Variants in PCDHA3 observed in about 807,000 individuals in gnomAD.
PCDHA3 encodes protocadherin alpha 3.
Under a neutral mutation model 62.2 loss-of-function variants are expected in PCDHA3, and 41 were observed. The observed-to-expected ratio is 0.66, with a 90% CI of 0.51 to 0.86. PCDHA3 has a LOEUF of 0.86. Ranked by LOEUF, PCDHA3 falls within the 40% of genes least tolerant of loss-of-function variation. The pLI is 0.00. For missense variants in PCDHA3, 1,304 were observed against 1,241.2 expected (o/e 1.05, Z -0.76); for synonymous variants, 640 against 555.4 (o/e 1.15, Z -2.14).
At chr5:140,840,654 A>T (rs17119241) in intron 1 of PCDHA3, among the ~76,000 whole-genome samples, 31,454 of 151,946 alleles carry the variant, frequency 0.21, 4,191 homozygotes, top group African/African-American at 0.36. Flanking sequence ...AGTGTAAAGA[A>T]TATGCACATA....
At chr5:140,871,412 C>T (rs891491030) in intron 1 of PCDHA3, 2 of 1,613,976 alleles carry the variant, frequency 1.2e-6, no homozygotes, top group Non-Finnish European at 1.7e-6. Flanking sequence ...GACCTCATGG[C>T]CTTCAGCCCC....
At chr5:140,842,234 C>T (rs2150332362) in intron 1 of PCDHA3, 8 of 1,612,528 alleles carry the variant, frequency 5.0e-6, no homozygotes, top group Admixed American at 1.7e-5. Context: ...AATAGTGATT[C>T]GGGGTAATTT....
intron 1 of PCDHA3, among the ~76,000 whole-genome samples, chr5:140,847,109 G>T (rs1267875417): frequency 6.7e-6 from 1 of 149,752 alleles, no homozygotes; most frequent in Admixed American, 6.7e-5. Context: ...CACACAGTCT[G>T]CAGAGAATGA....
At chr5:140,829,688 T>C in intron 1 of PCDHA3, 1 of 1,613,234 alleles carries the variant, frequency 6.2e-7, no homozygotes, top group Non-Finnish European at 8.5e-7. Flanking sequence ...GCTGCTGCAG[T>C]TTCAGGTGAG....
At chr5:140,883,577 G>A (rs782633953) in intron 1 of PCDHA3, 3 of 1,614,052 alleles carry the variant, frequency 1.9e-6, no homozygotes, top group Non-Finnish European at 2.5e-6. Context: ...TTCGCTGTGG[G>A]CCACGGCCAG....
chr5:140,839,667 G>A (rs1375568663), intron 1 of PCDHA3, among the ~76,000 whole-genome samples: 4 of 152,038 alleles, frequency 2.6e-5, no homozygotes, highest in African/African-American at 4.8e-5. Context: ...CTACTATTTA[G>A]AGTCAACTAC....
Position 140,801,840 on chromosome 5 carries a change from A to T in PCDHA3, c.643A>T (p.Ile215Phe). 1 of 1,614,144 alleles carries T rather than the reference A, an allele frequency of 6.2e-7. No homozygotes were observed. Among genetic ancestry groups the T allele is most frequent in the Non-Finnish European group, 8.5e-7 (1 of 1,180,038 alleles). ...TAAGCATTATTTACTAATAACAGCA[A>T]TTGATGGTGGGAAACCAGAGCTCAC... ...TPKHYLLITA[I>F]DGGKPELTGT... Residue 215 changes from isoleucine to phenylalanine, a missense_variant, in exon 1 of 4, where the codon ATT becomes TTT. Ile to Phe is a conservative substitution (Grantham distance 21, BLOSUM62 0). Coordinates refer to ENST00000522353, the MANE Select transcript of PCDHA3 (RefSeq NM_018906.3).
At chr5:140,850,241 GCGGT>G in intron 1 of PCDHA3, 1 of 1,593,924 alleles carries the variant, frequency 6.3e-7, no homozygotes, top group Non-Finnish European at 8.6e-7. Context: ...AGATGGTGCT[GCGGT>G]CGGTGGGCGC....
At chr5:140,828,473 G>A in intron 1 of PCDHA3, 1 of 1,614,248 alleles carries the variant, frequency 6.2e-7, no homozygotes, top group Non-Finnish European at 8.5e-7. Context: ...GGACATTAAC[G>A]ACAACCCGCC....
intron 1 of PCDHA3, chr5:140,877,053 G>A: frequency 1.9e-6 from 3 of 1,612,784 alleles, no homozygotes; most frequent in African/African-American, 1.3e-5. Context: ...ACCACGAGGA[G>A]CTGGAGCTGC....
At chr5:140,913,003 T>C (rs1049022016) in intron 1 of PCDHA3, among the ~76,000 whole-genome samples, 29 of 152,204 alleles carry the variant, frequency 1.9e-4, no homozygotes, top group African/African-American at 7.0e-4. Flanking sequence ...TAGTATTTTG[T>C]TGAGGATTTT....
At chr5:140,855,666 A>G (rs2043560136) in intron 1 of PCDHA3, among the ~76,000 whole-genome samples, 2 of 149,632 alleles carry the variant, frequency 1.3e-5, no homozygotes, top group Admixed American at 6.7e-5. Context: ...AGAAATCACT[A>G]CTCTGAGAGT....
At position 140,856,129 on chromosome 5, in the gene PCDHA3, C is replaced by G. The variant is rs149039484; in HGVS notation, c.2394+52538C>G. ...TCCTCGCAGCCTGGGAGGTGGGGAG[C>G]GGCCAGCTCCACTACTCAGTCTACG... On this transcript the variant is annotated intron_variant, in intron 1 of 3. Transcript: ENST00000522353. The G allele has an allele frequency of 2.3e-5, 36 of 1,597,980 alleles. 3 individuals are homozygous for G. Among genetic ancestry groups the G allele is most frequent in the African/African-American group, 2.7e-5 (2 of 74,256 alleles).
At chr5:140,836,920 G>T in intron 1 of PCDHA3, 1 of 542,350 alleles carries the variant, frequency 1.8e-6, no homozygotes. Context: ...TTTTGTTTTG[G>T]GATGCGTAAT....
intron 1 of PCDHA3, chr5:140,883,164 A>G (rs559249411): frequency 1.2e-6 from 2 of 1,614,060 alleles, no homozygotes; most frequent in African/African-American, 1.3e-5. Context: ...AATCCGAACA[A>G]TGGAGAAATT....
chr5:140,831,748 C>T (rs899662320), intron 1 of PCDHA3, among the ~76,000 whole-genome samples: 2 of 152,008 alleles, frequency 1.3e-5, no homozygotes, highest in Non-Finnish European at 1.5e-5. Context: ...TAAATTTCAT[C>T]GCTACCAATT....
chr5:140,951,659 C>A (rs1293655737), intron 1 of PCDHA3, among the ~76,000 whole-genome samples: 1 of 152,164 alleles, frequency 6.6e-6, no homozygotes, highest in Non-Finnish European at 1.5e-5. Context: ...CCCACCAGGG[C>A]CTGCCTACAA....
chr5:140,973,486 C>G (rs1404281642), intron 1 of PCDHA3, among the ~76,000 whole-genome samples: 1 of 152,162 alleles, frequency 6.6e-6, no homozygotes, highest in African/African-American at 2.4e-5. Context: ...ATATTGGTCA[C>G]AGGACTCTTC....
At chr5:140,858,837 T>A (rs2045615327) in intron 1 of PCDHA3, 1 of 319,506 alleles carries the variant, frequency 3.1e-6, no homozygotes, top group Non-Finnish European at 5.9e-6. Context: ...TACCAAAAAA[T>A]TCCACTGATC....
Sources: gnomAD v4.1 joint callset for allele counts (sites outside exome capture counted in the v4.1 genomes callset) on GRCh38, gnomAD v4.1.1 for gene constraint, MANE v1.5 for transcripts, NCBI Gene and HGNC (gene_info 2026-07-23, HGNC 2026-07-21) for gene names.